Variants in CLCF1 observed in about 807,000 individuals in gnomAD.
The protein encoded by CLCF1 is cardiotrophin-like cytokine factor 1.
CLCF1 carries 10 observed loss-of-function variants against 21.2 expected under a neutral mutation model. The ratio of observed to expected loss-of-function variants is 0.47; its 90% CI spans 0.29 to 0.80. The LOEUF (loss-of-function observed/expected upper bound fraction) is 0.80, where lower values mean the gene tolerates loss of function less well. CLCF1 is among the 30% of genes least tolerant of loss of function. The probability of loss-of-function intolerance (pLI) is 0.09; values close to 1 mark genes in which losing one functional copy is unlikely to be tolerated. For missense variants in CLCF1, 240 were observed against 293.4 expected (o/e 0.82, Z 1.33); for synonymous variants, 115 against 120.5 (o/e 0.95, Z 0.30).
At chr11:67,368,395 A>T (rs955276153) in intron 1 of CLCF1, 7 of 985,310 alleles carry the variant, frequency 7.1e-6, no homozygotes, top group Non-Finnish European at 8.4e-6. Flanking sequence ...AAGGGTGGGG[A>T]CAGGAAGGGA....
At position 67,372,388 on chromosome 11, in the gene CLCF1, G is replaced by A. The variant is rs78868838; in HGVS notation, c.16+1136C>T. 7.6e-3 allele frequency among the ~76,000 whole-genome samples: 1,151 copies of A among 152,168 alleles called. 13 individuals are homozygous for A. The highest frequency in any genetic ancestry group is 0.026 in the African/African-American group (1,078 of 41,530). ...CGGAGTTGTGGAAAGGAAGGCGGGTGGGGAGAGCAAGCATGAGGGGACCTC... is the reference window on the plus strand; with the variant it reads ...CGGAGTTGTGGAAAGGAAGGCGGGTAGGGAGAGCAAGCATGAGGGGACCTC... On this transcript the variant is annotated intron_variant, in intron 1 of 2. Transcript: ENST00000312438. The surrounding 1 kb of genome is among the most constrained non-coding windows in gnomAD (Gnocchi z 5.9).
intron 1 of CLCF1, chr11:67,368,557 G>A (rs1208540078): frequency 1.0e-6 from 1 of 985,314 alleles, no homozygotes; most frequent in Non-Finnish European, 1.2e-6. Context: ...TTTAAGTGAG[G>A]ACCAAGGTGA....
chr11:67,369,523 A>G, intron 1 of CLCF1: 1 of 985,298 alleles, frequency 1.0e-6, no homozygotes, highest in Non-Finnish European at 1.2e-6. Context: ...CTCACATCTC[A>G]ACACAACTCC....
chr11:67,369,769 C>T (rs1266066909), intron 1 of CLCF1: 13 of 985,330 alleles, frequency 1.3e-5, no homozygotes, highest in Non-Finnish European at 1.2e-5. Flanking sequence ...TAGGCTCTGC[C>T]TTTGTCATGG....
intron 1 of CLCF1, chr11:67,370,444 GC>G (rs1402593954): frequency 1.0e-6 from 1 of 981,580 alleles, no homozygotes; most frequent in African/African-American, 1.8e-5. Flanking sequence ...TCTGGCTGCT[GC>G]CCACTGATTG....
chr11:67,373,751 C>G, upstream of CLCF1: 1 of 1,014,604 alleles, frequency 9.9e-7, no homozygotes, highest in Non-Finnish European at 1.2e-6. Context: ...GCTGTAACCA[C>G]AAATTGTAGC....
rs1371952570 is a variant in CLCF1, at chr11:67,372,658, C to T, written c.16+866G>A. Among the ~76,000 whole-genome samples, 1 of 147,624 alleles carries T rather than the reference C, an allele frequency of 6.8e-6. No individual in the cohort carries two copies. Among genetic ancestry groups the T allele is most frequent in the African/African-American group, 2.5e-5 (1 of 39,960 alleles). On this transcript the variant is annotated intron_variant, in intron 1 of 2. Transcript: ENST00000312438. This position sits in a 1 kb window ranked among gnomAD's most constrained non-coding sequence, Gnocchi z 5.9. Reference sequence around the variant, plus strand: ...GGGGCGGGGGCGGGGTCCGGGGCACCGGGCTCCGGGCTCTGCCCGGCGCTG... The same window carrying T: ...GGGGCGGGGGCGGGGTCCGGGGCACTGGGCTCCGGGCTCTGCCCGGCGCTG...
At position 67,369,051 on chromosome 11, in the gene CLCF1, A is replaced by C. The variant is rs558141800; in HGVS notation, c.17-1425T>G. ...CTTAGATAGGTATAACGCTTTGCCC[A>C]TGGTTAGGATGGGATTTGGATTCAA... On this transcript the variant is annotated intron_variant, in intron 1 of 2. Transcript: ENST00000312438. 3.7e-5 allele frequency: 36 copies of C among 984,450 alleles called. No homozygotes were observed. In the South Asian group the frequency reaches 1.3e-3, roughly 35 times the overall value. 61.0% of individuals were successfully genotyped at this position (984,450 alleles called of 1,614,324 possible).
Position 67,371,427 on chromosome 11 carries a change from C to T in CLCF1, c.16+2097G>A, listed in dbSNP as rs557088892. On this transcript the variant is annotated intron_variant, in intron 1 of 2. Transcript: ENST00000312438. ...GGGGCTTCATCTCTCCTCTCCTCTC[C>T]AGCATCCCCCTTTGTGCCCTTCTCC... Among the ~76,000 whole-genome samples, 3 of 152,332 alleles carry T rather than the reference C, an allele frequency of 2.0e-5. No individual in the cohort carries two copies. The East Asian group carries it at 5.8e-4, about 29-fold the overall frequency.
chr11:67,372,762 T>G lies in CLCF1; in HGVS notation c.16+762A>C, dbSNP rs1184562537. On this transcript the variant is annotated intron_variant, in intron 1 of 2. Transcript: ENST00000312438. The surrounding 1 kb of genome is among the most constrained non-coding windows in gnomAD (Gnocchi z 5.9). ...CGCTCCCTGGCCAGTGACAGACTTT[T>G]TCCTGCCGGGTCCGGCCCGGCTGCG... is the stretch of plus-strand genomic sequence containing the variant. Among the ~76,000 whole-genome samples, 3 of 149,832 alleles carry G rather than the reference T, an allele frequency of 2.0e-5. No individual in the cohort carries two copies. The highest frequency in any genetic ancestry group is 4.5e-5 in the Non-Finnish European group (3 of 67,102).
At chr11:67,367,793 C>T (rs1396456583) in intron 1 of CLCF1, 167 bp from the exon 2 acceptor site, 3 of 985,182 alleles carry the variant, frequency 3.0e-6, no homozygotes, top group African/African-American at 3.5e-5. Context: ...CCTGGCAAGA[C>T]GGGAGAGAAA....
intron 1 of CLCF1, among the ~76,000 whole-genome samples, chr11:67,373,309 C>G (rs1590919422): frequency 6.6e-6 from 1 of 152,030 alleles, no homozygotes; most frequent in Non-Finnish European, 1.5e-5. Flanking sequence ...CCCCGCCGCT[C>G]CCGGCCACCT....
rs1862258619 is a variant in CLCF1 at position 67,372,493 on chromosome 11, GCCCT to G, written c.16+1027_16+1030del. On this transcript the variant is annotated intron_variant, in intron 1 of 2. Coordinates refer to ENST00000312438, the MANE Select transcript of CLCF1 (RefSeq NM_013246.3). This position sits in a 1 kb window ranked among gnomAD's most constrained non-coding sequence, Gnocchi z 5.9. The stretch of plus-strand genomic sequence containing the variant: ...GCTGCACGGCGGCGGTTGCCAGCTG[GCCCT>G]CCCTGCTGGCGGTGACCTCTCGCTC... Among the ~76,000 whole-genome samples the G allele has an allele frequency of 6.6e-6, 1 of 151,952 alleles. No individual in the cohort carries two copies. Among genetic ancestry groups the G allele is most frequent in the Non-Finnish European group, 1.5e-5 (1 of 67,922 alleles).
upstream of CLCF1, chr11:67,374,062 G>T: frequency 1.0e-6 from 1 of 986,376 alleles, no homozygotes; most frequent in Non-Finnish European, 1.2e-6. Context: ...CCTGTGCGAG[G>T]TCCCTGCTCC....
Position 67,365,098 on chromosome 11 carries a change from A to G in CLCF1, c.*38T>C. On this transcript the variant is annotated 3_prime_UTR_variant, in exon 3 of 3. Coordinates refer to ENST00000312438, the MANE Select transcript of CLCF1 (RefSeq NM_013246.3). This position sits in a 1 kb window ranked among gnomAD's most constrained non-coding sequence, Gnocchi z 5.0. Reference sequence around the variant, plus strand: ...GGGCTGGCTCTCACAAAGTGGGAGCAGGGTTTGAAGGGGGAGCGAAGAGGA... The same window carrying G: ...GGGCTGGCTCTCACAAAGTGGGAGCGGGGTTTGAAGGGGGAGCGAAGAGGA... 1 of 1,612,474 alleles carries G rather than the reference A, an allele frequency of 6.2e-7. No homozygotes were observed.
Position 67,372,912 on chromosome 11 carries a change from C to G in CLCF1, c.16+612G>C, listed in dbSNP as rs868223760. ...TGGGCACCATGGAGGGTTCCGGCCG[C>G]GCGGCGCGTAGCTAGGAAGCCGCGA... On this transcript the variant is annotated intron_variant, in intron 1 of 2. Transcript: ENST00000312438. This position sits in a 1 kb window ranked among gnomAD's most constrained non-coding sequence, Gnocchi z 5.9. Among the ~76,000 whole-genome samples the G allele has an allele frequency of 6.0e-4, 90 of 150,312 alleles. No homozygotes were observed. Among genetic ancestry groups the G allele is most frequent in the African/African-American group, 2.2e-3 (89 of 41,188 alleles).
chr11:67,368,163 C>T, intron 1 of CLCF1: 1 of 985,328 alleles, frequency 1.0e-6, no homozygotes, highest in African/African-American at 1.7e-5. Context: ...CCATAGGAAG[C>T]AAGGTATAGG....
intron 1 of CLCF1, among the ~76,000 whole-genome samples, chr11:67,371,313 C>A (rs1449402285): frequency 6.6e-6 from 1 of 152,152 alleles, no homozygotes; most frequent in African/African-American, 2.4e-5. Context: ...ATTGGGAGAC[C>A]TAGCTTTGCC....
chr11:67,369,020 A>AAATAACTT, intron 1 of CLCF1: 1 of 980,990 alleles, frequency 1.0e-6, no homozygotes, highest in Non-Finnish European at 1.2e-6. Context: ...TGATAGGCAG[A>AAATAACTT]AATAACTTAG....
Sources: allele counts gnomAD v4.1 joint callset (sites outside exome capture counted in the v4.1 genomes callset), GRCh38; gene constraint gnomAD v4.1.1; non-coding constraint Gnocchi (gnomAD v3.1); transcripts MANE v1.5; gene names NCBI Gene and HGNC (gene_info 2026-07-23, HGNC 2026-07-21).